Variants in TNRC6A observed in about 807,000 individuals in gnomAD.
The protein encoded by TNRC6A is trinucleotide repeat containing adaptor 6A, also known as trinucleotide repeat-containing gene 6A protein.
Under a neutral mutation model 221.2 loss-of-function variants are expected in TNRC6A, and 44 were observed. The observed-to-expected ratio is 0.20, with a 90% CI of 0.16 to 0.26. The LOEUF is 0.26. Ranked by LOEUF, TNRC6A falls within the 10% of genes least tolerant of loss-of-function variation. TNRC6A has a pLI of 1.00. For synonymous variants in TNRC6A, 847 were observed against 838.5 expected (o/e 1.01, Z -0.18); for missense variants, 2,199 against 2,404.4 (o/e 0.91, Z 1.79).
rs1164037833 is a variant in TNRC6A at position 24,789,523 on chromosome 16, A to C, written c.881A>C (p.Lys294Thr). 6.2e-7 allele frequency: 1 copy of C among 1,614,056 alleles called. No individual in the cohort carries two copies. Among genetic ancestry groups the C allele is most frequent in the Non-Finnish European group, 8.5e-7 (1 of 1,180,038 alleles). Reference sequence around the variant, plus strand: ...AGCACTGGACTTGGTTCCCAAAACAAGTTTGTAGTTGGTAGCAGCAGCAAT... The same window carrying C: ...AGCACTGGACTTGGTTCCCAAAACACGTTTGTAGTTGGTAGCAGCAGCAAT... ...RNSTGLGSQN[K>T]FVVGSSSNNV... The change falls in exon 6 of 25, where the codon AAG becomes ACG. Residue 294 changes from lysine to threonine, a missense_variant. Physicochemically the swap from Lys to Thr is moderately conservative, Grantham distance 78. Around this residue, in one of 8 missense-constraint regions of TNRC6A, gnomAD observed 1,405 missense variants for 1,400.2 expected, o/e 1.00. Coordinates refer to ENST00000395799, the MANE Select transcript of TNRC6A (RefSeq NM_014494.4).
chr16:24,634,356 G>A (rs1901513868), intron 1 of TNRC6A, among the ~76,000 whole-genome samples: 1 of 152,074 alleles, frequency 6.6e-6, no homozygotes, highest in Admixed American at 6.6e-5. Flanking sequence ...TTTAAGCCCA[G>A]GAGGCAGAGG....
chr16:24,768,648 G>A, intron 4 of TNRC6A, among the ~76,000 whole-genome samples: 2 of 152,100 alleles, frequency 1.3e-5, no homozygotes, highest in East Asian at 3.9e-4. Context: ...AGTTTGCCAA[G>A]AGAAGTATTA....
chr16:24,646,136 C>A (rs566452470), intron 2 of TNRC6A, among the ~76,000 whole-genome samples: 1 of 152,066 alleles, frequency 6.6e-6, no homozygotes, highest in Non-Finnish European at 1.5e-5. Flanking sequence ...CCAGCTAGGT[C>A]ACAGGTTTTT....
chr16:24,796,902 A>AC (rs1337583978), intron 9 of TNRC6A, among the ~76,000 whole-genome samples: 2 of 152,102 alleles, frequency 1.3e-5, no homozygotes, highest in Non-Finnish European at 2.9e-5. Context: ...TACCACCCAT[A>AC]CCCCAACCAG....
chr16:24,811,223 A>C (rs1352506573), intron 18 of TNRC6A, among the ~76,000 whole-genome samples: 2 of 152,204 alleles, frequency 1.3e-5, no homozygotes, highest in African/African-American at 4.8e-5. Flanking sequence ...TTAGCTGCAC[A>C]CTGCACACCT....
intron 1 of TNRC6A, among the ~76,000 whole-genome samples, chr16:24,610,782 T>C (rs1900011165): frequency 6.6e-6 from 1 of 151,970 alleles, no homozygotes; most frequent in African/African-American, 2.4e-5. Context: ...ACCTCTCACC[T>C]TCCCCCTTTC....
intron 2 of TNRC6A, among the ~76,000 whole-genome samples, chr16:24,699,102 G>A (rs2055919338): frequency 1.3e-5 from 2 of 152,174 alleles, no homozygotes; most frequent in Admixed American, 1.3e-4. Context: ...CACCTAGTCA[G>A]TGTGATTTGG....
intron 1 of TNRC6A, among the ~76,000 whole-genome samples, chr16:24,626,512 A>G (rs894118983): frequency 6.6e-6 from 1 of 152,118 alleles, no homozygotes; most frequent in Non-Finnish European, 1.5e-5. Flanking sequence ...GCCATAGCAT[A>G]CTTTCAAGCC....
chr16:24,772,171 T>C (rs1472433753), intron 4 of TNRC6A, among the ~76,000 whole-genome samples: 2 of 152,228 alleles, frequency 1.3e-5, no homozygotes, highest in Non-Finnish European at 2.9e-5. Context: ...TTTGGTAATC[T>C]CCACGTTTGA....
chr16:24,647,072 A>AG (rs1902331877), intron 2 of TNRC6A, among the ~76,000 whole-genome samples: 1 of 151,878 alleles, frequency 6.6e-6, no homozygotes, highest in African/African-American at 2.4e-5. Flanking sequence ...CTGGGACTAC[A>AG]GGGGTGCACC....
intron 4 of TNRC6A, among the ~76,000 whole-genome samples, chr16:24,769,787 A>G (rs1431396793): frequency 6.6e-6 from 1 of 152,096 alleles, no homozygotes; most frequent in Non-Finnish European, 1.5e-5. Context: ...CTGGTTCTTC[A>G]TTATTGCACC....
At chr16:24,799,627 C>CA (rs1316508170) in intron 11 of TNRC6A, among the ~76,000 whole-genome samples, 31 of 152,318 alleles carry the variant, frequency 2.0e-4, no homozygotes, top group African/African-American at 7.0e-4. Flanking sequence ...TTGGCCTATA[C>CA]AAATTAACAC....
chr16:24,653,120 G>T lies in TNRC6A; in HGVS notation n.402+12111G>T, dbSNP rs569575161. 2.0e-5 allele frequency among the ~76,000 whole-genome samples: 3 copies of T among 152,288 alleles called. No homozygotes were observed. The South Asian group carries it at 6.2e-4, about 32-fold the overall frequency. The stretch of plus-strand genomic sequence containing the variant: ...TCTGAACTATCTAAGCAGAAGTTGT[G>T]TGTCTGAGAATAAAACTGGAATGAA... On this transcript the variant is annotated intron_variant and non_coding_transcript_variant, in intron 2 of 2. Coordinates refer to the TNRC6A transcript ENST00000566108.
intron 1 of TNRC6A, among the ~76,000 whole-genome samples, chr16:24,620,664 C>T (rs958421487): frequency 2.6e-5 from 4 of 152,038 alleles, no homozygotes; most frequent in African/African-American, 4.8e-5. Flanking sequence ...AAAAATTAGC[C>T]GGGCGTGTTG....
At chr16:24,706,765 C>A (rs904290712) in intron 2 of TNRC6A, among the ~76,000 whole-genome samples, 2 of 149,968 alleles carry the variant, frequency 1.3e-5, no homozygotes, top group African/African-American at 4.9e-5. Context: ...AGATTAGAAT[C>A]TAGAAATAGA....
intron 2 of TNRC6A, among the ~76,000 whole-genome samples, chr16:24,723,856 T>G (rs1246848369): frequency 1.3e-5 from 2 of 152,166 alleles, no homozygotes; most frequent in Non-Finnish European, 2.9e-5. Flanking sequence ...AAATTATGTC[T>G]TCAGCATAAC....
intron 2 of TNRC6A, among the ~76,000 whole-genome samples, chr16:24,711,406 G>C (rs145429969): frequency 6.6e-6 from 1 of 152,062 alleles, no homozygotes; most frequent in African/African-American, 2.4e-5. Flanking sequence ...TGAAATGATC[G>C]TCACAATAAA....
intron 2 of TNRC6A, among the ~76,000 whole-genome samples, chr16:24,666,406 G>C (rs1435074640): frequency 6.7e-6 from 1 of 148,902 alleles, no homozygotes; most frequent in Non-Finnish European, 1.5e-5. Flanking sequence ...CCGGGAGGCA[G>C]AGCTTGCAGT....
chr16:24,755,243 C>A (rs964572513), intron 3 of TNRC6A, among the ~76,000 whole-genome samples: 10 of 152,114 alleles, frequency 6.6e-5, no homozygotes, highest in Non-Finnish European at 1.3e-4. Context: ...TAGATTAATT[C>A]TTTATTCTTA....
Sources: allele counts gnomAD v4.1 joint callset (sites outside exome capture counted in the v4.1 genomes callset), GRCh38; gene constraint gnomAD v4.1.1; regional missense constraint gnomAD v4.1.1; transcripts MANE v1.5; gene names NCBI Gene and HGNC (gene_info 2026-07-23, HGNC 2026-07-21).